Variants in BCL10 observed in about 807,000 individuals in gnomAD.
BCL10 encodes B-cell lymphoma/leukemia 10.
In BCL10, 5 loss-of-function variants were observed where a neutral mutation model predicts 19.2. The ratio of observed to expected loss-of-function variants is 0.26; its 90% CI spans 0.14 to 0.55. The LOEUF is 0.55. Ranked by LOEUF, BCL10 falls within the 20% of genes least tolerant of loss-of-function variation. BCL10 has a pLI of 0.94. For missense variants in BCL10, 201 were observed against 271.9 expected (o/e 0.74, Z 1.83); for synonymous variants, 110 against 98.8 (o/e 1.11, Z -0.67).
At position 85,266,284 on chromosome 1, in the gene BCL10, C is replaced by T. The variant is rs1232952545; in HGVS notation, c.*1343G>A. ...AATTTTATTGTTGATAGCAAAATTT[C>T]CATTTCTATGTTTTTGCAATTAATA... On this transcript the variant is annotated 3_prime_UTR_variant, in exon 3 of 3. Transcript: ENST00000648566. The T allele has an allele frequency of 1.1e-5, 2 of 185,378 alleles. No homozygotes were observed. The highest frequency in any genetic ancestry group is 2.3e-5 in the Non-Finnish European group (2 of 87,620). The allele number at this position is 185,378 out of a possible 1,614,324, so 11.5% of individuals were successfully genotyped here. A position where few individuals can be genotyped will look rare whatever the true frequency, so the allele number is the denominator to read the frequency against.
intron 1 of BCL10, among the ~76,000 whole-genome samples, chr1:85,273,385 C>T (rs1660419421): frequency 6.6e-6 from 1 of 152,198 alleles, no homozygotes. Context: ...CTTCCCATCC[C>T]TGTGGATACA....
intron 1 of BCL10, among the ~76,000 whole-genome samples, chr1:85,273,415 G>C (rs898772058): frequency 6.6e-6 from 1 of 151,982 alleles, no homozygotes; most frequent in Non-Finnish European, 1.5e-5. Context: ...TCATTTTCTT[G>C]TTGTTGTTGT....
At chr1:85,273,425 T>C (rs1434878668) in intron 1 of BCL10, among the ~76,000 whole-genome samples, 1 of 152,234 alleles carries the variant, frequency 6.6e-6, no homozygotes, top group Non-Finnish European at 1.5e-5. Flanking sequence ...GTTGTTGTTG[T>C]TACCCTACTT....
At position 85,276,534 on chromosome 1, in the gene BCL10, G is replaced by A. The variant is rs1009679421; in HGVS notation, c.-182C>T. The A allele has an allele frequency of 3.1e-5, 20 of 647,854 alleles. No homozygotes were observed. Among genetic ancestry groups the A allele is most frequent in the Non-Finnish European group, 4.5e-5 (17 of 378,470 alleles). 40.1% of individuals were successfully genotyped at this position (647,854 alleles called of 1,614,324 possible). A position where few individuals can be genotyped will look rare whatever the true frequency, so the allele number is the denominator to read the frequency against. Reference sequence around the variant, plus strand: ...TCGGGGGTCAAACCGTAGCGCTTCCGGCCCCGCCTCTGAGGTCGACGGCGA... The same window carrying A: ...TCGGGGGTCAAACCGTAGCGCTTCCAGCCCCGCCTCTGAGGTCGACGGCGA... On this transcript the variant is annotated 5_prime_UTR_variant, in exon 1 of 3. Coordinates refer to ENST00000648566, the MANE Select transcript of BCL10 (RefSeq NM_003921.5).
Position 85,273,499 on chromosome 1 carries a change from C to T in BCL10, c.58-2593G>A, listed in dbSNP as rs532088634. On this transcript the variant is annotated intron_variant, in intron 1 of 2. Coordinates refer to ENST00000648566, the MANE Select transcript of BCL10 (RefSeq NM_003921.5). ...AAGGGTTTTACACCATTTTTCTCTT[C>T]TAGCTCACAGCTTTCTAGGTAAAAT... 3.7e-4 allele frequency among the ~76,000 whole-genome samples: 57 copies of T among 152,332 alleles called. No homozygotes were observed. In the Middle Eastern group the frequency reaches 0.024, roughly 64 times the overall value.
rs993906129 is a variant in BCL10 at position 85,266,077 on chromosome 1, T to G, written c.*1550A>C. On this transcript the variant is annotated 3_prime_UTR_variant, in exon 3 of 3. Coordinates refer to ENST00000648566, the MANE Select transcript of BCL10 (RefSeq NM_003921.5). ...TAAAAAAAATCCAATCTTTAAAAAT[T>G]TTTAAAGCTAATATGCCAATCTTCT... 1.3e-5 allele frequency among the ~76,000 whole-genome samples: 2 copies of G among 152,202 alleles called. No individual in the cohort carries two copies. Among genetic ancestry groups the G allele is most frequent in the Non-Finnish European group, 2.9e-5 (2 of 68,036 alleles).
At position 85,271,844 on chromosome 1, in the gene BCL10, T is replaced by C. The variant is rs143959950; in HGVS notation, c.58-938A>G. On this transcript the variant is annotated intron_variant, in intron 1 of 2. Transcript: ENST00000648566. The stretch of plus-strand genomic sequence containing the variant: ...GAAAGTAGGCTAGGTGAAGGGTTCC[T>C]GTGGTTCTTGGTCTACGAAGTTCCA... Among the ~76,000 whole-genome samples, 55 of 152,362 alleles carry C rather than the reference T, an allele frequency of 3.6e-4. No homozygotes were observed. The East Asian group carries it at 8.7e-3, about 24-fold the overall frequency.
intron 1 of BCL10, among the ~76,000 whole-genome samples, chr1:85,274,711 G>C (rs1489326109): frequency 2.6e-5 from 4 of 152,220 alleles, no homozygotes; most frequent in Non-Finnish European, 5.9e-5. Flanking sequence ...TAAGGACCTA[G>C]AGTGGAGAGA....
chr1:85,274,780 T>C (rs1660469534), intron 1 of BCL10, among the ~76,000 whole-genome samples: 1 of 152,138 alleles, frequency 6.6e-6, no homozygotes, highest in African/African-American at 2.4e-5. Context: ...ATTTTGAAAA[T>C]ATCATGAAAA....
rs1428066499 is a variant in BCL10 at position 85,270,721 on chromosome 1, G to T, written c.243C>A (p.Thr81=). Residue 81 remains threonine (T), a synonymous_variant, in exon 2 of 3, where the codon ACC becomes ACA. Transcript: ENST00000648566. ...TTTCTCGCCGAATAGATTCAACAAG[G>T]GTGTCCAGACCTTTTGGGTTTTCCT... is the stretch of plus-strand genomic sequence containing the variant. ...YLQENPKGLD[T]LVESIRREKT... is the part of the protein sequence containing the mutation. The T allele has an allele frequency of 6.2e-7, 1 of 1,613,932 alleles. No homozygotes were observed.
rs1660352619 is a variant in BCL10, at chr1:85,270,839, C to T, written c.125G>A (p.Arg42His). Reference sequence around the variant, plus strand: ...TTCTCTACTGAGTATTTTTTTTGCACGTAGATGATCAAAATGTCTCTCAGC... The same window carrying T: ...TTCTCTACTGAGTATTTTTTTTGCATGTAGATGATCAAAATGTCTCTCAGC... ...IIAERHFDHL[R>H]AKKILSREDT... Residue 42 changes from arginine (R) to histidine (H), a missense_variant, in exon 2 of 3, where the codon CGT (arginine) becomes CAT (histidine). Physicochemically the swap from Arg to His is conservative, Grantham distance 29 (BLOSUM62 0). This residue lies in a region of BCL10 where 51 missense variants were observed against 118.8 expected (regional missense o/e 0.43). Coordinates refer to ENST00000648566, the MANE Select transcript of BCL10 (RefSeq NM_003921.5). 1 of 1,613,230 alleles carries T rather than the reference C, an allele frequency of 6.2e-7. No individual in the cohort carries two copies. The highest frequency in any genetic ancestry group is 8.5e-7 in the Non-Finnish European group (1 of 1,179,916).
At chr1:85,271,808 G>A (rs922667679) in intron 1 of BCL10, among the ~76,000 whole-genome samples, 4 of 152,164 alleles carry the variant, frequency 2.6e-5, no homozygotes, top group Non-Finnish European at 5.9e-5. Context: ...TAATGACAAA[G>A]GTAATGGCAG....
At chr1:85,273,239 C>T (rs1193331020) in intron 1 of BCL10, among the ~76,000 whole-genome samples, 1 of 152,176 alleles carries the variant, frequency 6.6e-6, no homozygotes, top group Admixed American at 6.5e-5. Context: ...CAGTATTCTT[C>T]TCGAAGTCAC....
At chr1:85,270,551 C>A in intron 2 of BCL10, 67 bp downstream of exon 2, 1 of 1,450,158 alleles carries the variant, frequency 6.9e-7, no homozygotes, top group South Asian at 1.3e-5. Context: ...AGGCACCTGG[C>A]CTGCTCTGCA....
rs11802390 is a variant in BCL10, at chr1:85,269,335, A to G, written c.346+1283T>C. Among the ~76,000 whole-genome samples the G allele has an allele frequency of 4.6e-3, 707 of 152,378 alleles. 2 individuals are homozygous for G. The highest frequency in any genetic ancestry group is 0.016 in the African/African-American group (657 of 41,582). On this transcript the variant is annotated intron_variant, in intron 2 of 2. Coordinates refer to ENST00000648566, the MANE Select transcript of BCL10 (RefSeq NM_003921.5). The stretch of plus-strand genomic sequence containing the variant: ...TGATATCCAAAGGGTATAGTTAACC[A>G]TTATCCAGAGGATTGAAAGAATAAA...
chr1:85,274,881 T>G (rs754241329), intron 1 of BCL10, among the ~76,000 whole-genome samples: 1 of 152,246 alleles, frequency 6.6e-6, no homozygotes, highest in Non-Finnish European at 1.5e-5. Flanking sequence ...ATTTCTGATA[T>G]AGGCGTAAAA....
In BCL10 at chr1:85,266,841, T is replaced by C. The variant is rs1286488202; in HGVS notation, c.*786A>G. The C allele has an allele frequency of 2.6e-5, 4 of 153,290 alleles. No homozygotes were observed. Among genetic ancestry groups the C allele is most frequent in the Non-Finnish European group, 3.8e-5 (3 of 79,300 alleles). 9.5% of individuals were successfully genotyped at this position (153,290 alleles called of 1,614,324 possible). On this transcript the variant is annotated 3_prime_UTR_variant, in exon 3 of 3. Coordinates refer to ENST00000648566, the MANE Select transcript of BCL10 (RefSeq NM_003921.5). Reference sequence around the variant, plus strand: ...TTGCAGTGAGCCTAGAATGCGCCACTGCACTCCAGCCTGGGCGATAGAGCA... The same window carrying C: ...TTGCAGTGAGCCTAGAATGCGCCACCGCACTCCAGCCTGGGCGATAGAGCA...
At chr1:85,270,056 T>C (rs1315990459) in intron 2 of BCL10, among the ~76,000 whole-genome samples, 1 of 152,248 alleles carries the variant, frequency 6.6e-6, no homozygotes, top group Admixed American at 6.5e-5. Flanking sequence ...TACTCTTGAA[T>C]AGATTAACTT....
intron 2 of BCL10, among the ~76,000 whole-genome samples, 164 bp downstream of exon 2, chr1:85,270,454 G>A (rs926338326): frequency 2.0e-5 from 3 of 152,064 alleles, no homozygotes; most frequent in South Asian, 2.1e-4. Flanking sequence ...TTAATTTTTT[G>A]TAGAGACAAA....
Sources: gnomAD v4.1 joint callset for allele counts (sites outside exome capture counted in the v4.1 genomes callset) on GRCh38, gnomAD v4.1.1 for gene constraint, gnomAD v4.1.1 regional missense constraint, MANE v1.5 for transcripts, NCBI Gene and HGNC (gene_info 2026-07-23, HGNC 2026-07-21) for gene names.